PPP1R16B: variants seen among roughly 807,000 people sequenced by gnomAD.
PPP1R16B encodes the protein protein phosphatase 1 regulatory subunit 16B.
In PPP1R16B, 14 loss-of-function variants were observed where a neutral mutation model predicts 61.7. That is an observed-to-expected ratio of 0.23 (90% CI 0.15 to 0.35). The LOEUF is 0.35. PPP1R16B is among the 10% of genes least tolerant of loss of function. The probability of loss-of-function intolerance (pLI) is 1.00; values close to 1 mark genes in which losing one functional copy is unlikely to be tolerated. For missense variants in PPP1R16B, 547 were observed against 752.5 expected (o/e 0.73, Z 3.19); for synonymous variants, 266 against 305.3 (o/e 0.87, Z 1.34).
At chr20:38,884,253 A>G (rs891366376) in intron 2 of PPP1R16B, among the ~76,000 whole-genome samples, 1 of 152,214 alleles carries the variant, frequency 6.6e-6, no homozygotes, top group Non-Finnish European at 1.5e-5. Context: ...ATTCCAGGGC[A>G]CTGTATTCAC....
chr20:38,879,082 G>A (rs1416701355), intron 2 of PPP1R16B, among the ~76,000 whole-genome samples: 2 of 152,196 alleles, frequency 1.3e-5, no homozygotes, highest in East Asian at 1.9e-4. Context: ...CAGTGAAGCT[G>A]TAAGGAGAGG....
chr20:38,808,870 T>G (rs2084679927), intron 1 of PPP1R16B, among the ~76,000 whole-genome samples: 1 of 151,862 alleles, frequency 6.6e-6, no homozygotes, highest in African/African-American at 2.4e-5. Flanking sequence ...CCATCTCTAC[T>G]AAAAATACAA....
At chr20:38,884,424 A>G (rs2145755396) in intron 2 of PPP1R16B, among the ~76,000 whole-genome samples, 1 of 152,334 alleles carries the variant, frequency 6.6e-6, no homozygotes, top group East Asian at 1.9e-4. Context: ...CAGATAGTAA[A>G]TATCGTAGGC....
At chr20:38,873,572 G>A (rs1227626359) in intron 2 of PPP1R16B, among the ~76,000 whole-genome samples, 1 of 152,124 alleles carries the variant, frequency 6.6e-6, no homozygotes, top group East Asian at 1.9e-4. Context: ...GCCAAGGCCT[G>A]ACTGGGTTAG....
intron 1 of PPP1R16B, among the ~76,000 whole-genome samples, chr20:38,825,475 T>A (rs1421207489): frequency 6.6e-6 from 1 of 152,200 alleles, no homozygotes; most frequent in East Asian, 1.9e-4. Context: ...CAATTTGTAA[T>A]AGAACAAGTA....
At chr20:38,809,674 A>C (rs1359430395) in intron 1 of PPP1R16B, among the ~76,000 whole-genome samples, 1 of 152,094 alleles carries the variant, frequency 6.6e-6, no homozygotes. Context: ...GAAGTGAGAC[A>C]CTGTGGATAA....
chr20:38,832,872 C>G (rs1392128964), intron 1 of PPP1R16B, among the ~76,000 whole-genome samples: 1 of 148,656 alleles, frequency 6.7e-6, no homozygotes. Context: ...GAGCCGAGAT[C>G]ACGCCATTGC....
intron 2 of PPP1R16B, among the ~76,000 whole-genome samples, chr20:38,872,241 T>C (rs1306034007): frequency 6.6e-6 from 1 of 152,162 alleles, no homozygotes; most frequent in East Asian, 1.9e-4. Flanking sequence ...GCACTGGGTG[T>C]GACGGCTGGG....
rs2084821681 is a variant in PPP1R16B, at chr20:38,829,185, C to A, written c.-101-6640C>A. 1.3e-5 allele frequency among the ~76,000 whole-genome samples: 2 copies of A among 152,342 alleles called. 1 individual carries two copies. Among genetic ancestry groups the A allele is most frequent in the South Asian group, 4.1e-4 (2 of 4,830 alleles). The stretch of plus-strand genomic sequence containing the variant: ...TCTAGGGGAAGAGGTGAACACACCT[C>A]AGTGGCCTGTTCCTGCTTCCCCAAG... On this transcript the variant is annotated intron_variant, in intron 1 of 10. Transcript: ENST00000299824.
chr20:38,869,017 CCT>C lies in PPP1R16B; in HGVS notation c.251-20577_251-20576del, dbSNP rs368175019. ...CACTGCCATCAGTCCAAAAAGTTCC[CCT>C]GTGTCCCTTCCCAGTCAATCCCCTA... On this transcript the variant is annotated intron_variant, in intron 2 of 10. Transcript: ENST00000299824. Among the ~76,000 whole-genome samples, 697 of 152,198 alleles carry C rather than the reference CCT, an allele frequency of 4.6e-3. 3 individuals are homozygous for C. The highest frequency in any genetic ancestry group is 6.8e-3 in the Non-Finnish European group (464 of 68,004).
intron 2 of PPP1R16B, among the ~76,000 whole-genome samples, chr20:38,858,794 A>G: frequency 6.6e-6 from 1 of 152,194 alleles, no homozygotes; most frequent in East Asian, 1.9e-4. Context: ...CTATTGTCAC[A>G]TAGAAAAGCT....
chr20:38,820,329 C>T (rs531296130), intron 1 of PPP1R16B, among the ~76,000 whole-genome samples: 4 of 151,858 alleles, frequency 2.6e-5, no homozygotes, highest in East Asian at 2.0e-4. Context: ...GAGGCCGAGG[C>T]GAGCGGATCA....
intron 1 of PPP1R16B, among the ~76,000 whole-genome samples, chr20:38,832,492 C>CTATATCTAAGTGGCTTTCT (rs1340262392): frequency 6.6e-6 from 1 of 152,196 alleles, no homozygotes; most frequent in Non-Finnish European, 1.5e-5. Context: ...ACCAAAACAT[C>CTATATCTAAGTGGCTTTCT]TATATCTAAG....
chr20:38,836,195 G>A lies in PPP1R16B; in HGVS notation c.250+20G>A, dbSNP rs767488637. 6 of 1,598,198 alleles carry A rather than the reference G, an allele frequency of 3.8e-6. No individual in the cohort carries two copies. The South Asian group carries it at 6.7e-5, about 18-fold the overall frequency. ...AGGAAGGTAGGCCCCTCTGTGCCTT[G>A]GCGGCCACGCAGCTGCCTTGGCCTC... On this transcript the variant is annotated intron_variant, in intron 2 of 10. Coordinates refer to ENST00000299824, the MANE Select transcript of PPP1R16B (RefSeq NM_015568.4).
rs1405677610 is a variant in PPP1R16B at position 38,907,930 on chromosome 20, C to T, written c.1023C>T (p.Ser341=). 1.9e-6 allele frequency: 3 copies of T among 1,614,062 alleles called. No homozygotes were observed. In the African/African-American group the frequency reaches 4.0e-5, roughly 22 times the overall value. The change falls in exon 9 of 11, where the codon AGC becomes AGT. Residue 341 remains serine (S), a synonymous_variant. Coordinates refer to ENST00000299824, the MANE Select transcript of PPP1R16B (RefSeq NM_015568.4). This position sits in a 1 kb window ranked among gnomAD's most constrained non-coding sequence, Gnocchi z 4.5. ...SLSRRTSSAG[S]RGKVVRRASL... Reference sequence around the variant, plus strand: ...GCCGGAGGACCTCCAGCGCAGGCAGCCGTGGGTGAGTCCGGGGCAGGGCAG... The same window carrying T: ...GCCGGAGGACCTCCAGCGCAGGCAGTCGTGGGTGAGTCCGGGGCAGGGCAG...
chr20:38,906,838 A>G (rs1160510794), intron 7 of PPP1R16B, 141 bp from the exon 8 acceptor site: 1 of 690,986 alleles, frequency 1.4e-6, no homozygotes, highest in Non-Finnish European at 2.6e-6. Context: ...CCATGGCTCT[A>G]GTTTGCAGGC....
Position 38,889,578 on chromosome 20 carries a change from G to T in PPP1R16B, c.251-17G>T. ...AGTGTGCAACGGGAAGCTCACTCCT[G>T]TACCCTCCTATTGCAGTACGCTACT... On this transcript the variant is annotated splice_polypyrimidine_tract_variant and intron_variant, in intron 2 of 10. Coordinates refer to ENST00000299824, the MANE Select transcript of PPP1R16B (RefSeq NM_015568.4). 1 of 1,558,128 alleles carries T rather than the reference G, an allele frequency of 6.4e-7. No homozygotes were observed. The highest frequency in any genetic ancestry group is 1.1e-5 in the South Asian group (1 of 89,910).
chr20:38,854,671 T>G (rs1316659675), intron 2 of PPP1R16B, among the ~76,000 whole-genome samples: 1 of 152,188 alleles, frequency 6.6e-6, no homozygotes, highest in Non-Finnish European at 1.5e-5. Flanking sequence ...ACTTAACCTC[T>G]TTTGGACTCA....
intron 3 of PPP1R16B, among the ~76,000 whole-genome samples, chr20:38,892,227 T>A (rs1319343253): frequency 2.0e-5 from 3 of 152,130 alleles, no homozygotes; most frequent in Non-Finnish European, 4.4e-5. Flanking sequence ...TGGCACCCTT[T>A]TTTTAGCTTG....
Sources: gnomAD v4.1 joint callset for allele counts (sites outside exome capture counted in the v4.1 genomes callset) on GRCh38, gnomAD v4.1.1 for gene constraint, Gnocchi (gnomAD v3.1) non-coding constraint, MANE v1.5 for transcripts, NCBI Gene and HGNC (gene_info 2026-07-23, HGNC 2026-07-21) for gene names.